The following CAMK4 variants were observed in gnomAD, a reference collection of about 807,000 sequenced individuals.
CAMK4 encodes calcium/calmodulin dependent protein kinase IV.
Under a neutral mutation model 44.9 loss-of-function variants are expected in CAMK4, and 22 were observed. The ratio of observed to expected loss-of-function variants is 0.49; its 90% CI spans 0.35 to 0.70. The LOEUF (loss-of-function observed/expected upper bound fraction) is 0.70, where lower values mean the gene tolerates loss of function less well. Ranked by LOEUF, CAMK4 falls within the 30% of genes least tolerant of loss-of-function variation. The pLI is 0.01. For synonymous variants in CAMK4, 218 were observed against 215.4 expected, an observed-to-expected ratio of 1.01 and a Z score of -0.11; for missense variants, 498 against 586.8, an observed-to-expected ratio of 0.85 and a Z score of 1.56.
chr5:111,411,266 G>T (rs763546309), intron 5 of CAMK4, among the ~76,000 whole-genome samples: 15 of 152,152 alleles, frequency 9.9e-5, no homozygotes, highest in Admixed American at 2.6e-4. Flanking sequence ...GGCTTTCTCT[G>T]AGAGCCAAGT....
rs1334372729 is a variant in CAMK4, at chr5:111,488,796, A to G, written c.*4330A>G. ...TAGCATTTTCTTGATGGTTGACTCA[A>G]TGTATAATTAACAAATATACATAGC... On this transcript the variant is annotated 3_prime_UTR_variant, in exon 11 of 11. Coordinates refer to ENST00000282356, the MANE Select transcript of CAMK4 (RefSeq NM_001744.6). 1 of 152,242 alleles carries G rather than the reference A, an allele frequency of 6.6e-6. No homozygotes were observed. The highest frequency in any genetic ancestry group is 1.9e-4 in the East Asian group (1 of 5,206). 9.4% of individuals were successfully genotyped at this position (152,242 alleles called of 1,614,324 possible). A position where few individuals can be genotyped will look rare whatever the true frequency, so the allele number is the denominator to read the frequency against.
chr5:111,380,271 T>C (rs923094744), intron 4 of CAMK4, among the ~76,000 whole-genome samples: 13 of 152,252 alleles, frequency 8.5e-5, no homozygotes, highest in Non-Finnish European at 8.8e-5. Context: ...AAGTATAGTT[T>C]TGAATTTTGT....
chr5:111,266,223 CACACACACACACACACACAG>C (rs1464772383), intron 1 of CAMK4: 1 of 149,740 alleles, frequency 6.7e-6, no homozygotes, highest in East Asian at 1.9e-4. Flanking sequence ...CACACACACA[CACACACACACACACACACAG>C]AAAGAGAGAG....
At chr5:111,379,852 A>T (rs1329269594) in intron 4 of CAMK4, among the ~76,000 whole-genome samples, 1 of 152,156 alleles carries the variant, frequency 6.6e-6, no homozygotes, top group African/African-American at 2.4e-5. Context: ...AAAATTAAAC[A>T]TAGTCAAAAT....
At chr5:111,246,003 G>T (rs1011988507) in intron 1 of CAMK4, among the ~76,000 whole-genome samples, 17 of 152,180 alleles carry the variant, frequency 1.1e-4, no homozygotes, top group Admixed American at 1.0e-3. Context: ...ATAGAGCAGG[G>T]ATTTCTAACT....
chr5:111,274,394 C>T (rs1457791104), intron 1 of CAMK4, among the ~76,000 whole-genome samples: 1 of 152,146 alleles, frequency 6.6e-6, no homozygotes, highest in Non-Finnish European at 1.5e-5. Flanking sequence ...TTTGCTAATA[C>T]ATCCCCAAGG....
chr5:111,371,904 G>T (rs1751020568), intron 2 of CAMK4, among the ~76,000 whole-genome samples: 1 of 152,078 alleles, frequency 6.6e-6, no homozygotes, highest in African/African-American at 2.4e-5. Flanking sequence ...CAAGGTTGCT[G>T]CCCAGAAGTA....
chr5:111,242,461 A>G (rs1580468617), intron 1 of CAMK4, among the ~76,000 whole-genome samples: 1 of 152,114 alleles, frequency 6.6e-6, no homozygotes, highest in Admixed American at 6.6e-5. Flanking sequence ...CTGTGTGGCC[A>G]CTGATCTTTT....
intron 1 of CAMK4, among the ~76,000 whole-genome samples, chr5:111,267,922 T>G (rs1750335336): frequency 6.6e-6 from 1 of 152,190 alleles, no homozygotes. Flanking sequence ...GTATTATTTA[T>G]TTGTCTGGGT....
At chr5:111,312,175 G>A (rs550850248) in intron 1 of CAMK4, among the ~76,000 whole-genome samples, 1 of 152,226 alleles carries the variant, frequency 6.6e-6, no homozygotes, top group African/African-American at 2.4e-5. Flanking sequence ...CTTTCTTGCA[G>A]CTGGATGCCA....
chr5:111,371,774 T>C (rs893471062), intron 2 of CAMK4, among the ~76,000 whole-genome samples: 1 of 152,212 alleles, frequency 6.6e-6, no homozygotes, highest in Non-Finnish European at 1.5e-5. Flanking sequence ...AGCACATAGA[T>C]GTCAGTAAAT....
intron 5 of CAMK4, among the ~76,000 whole-genome samples, chr5:111,443,275 TATATACAC>T (rs1460166462): frequency 0.025 from 1,184 of 46,858 alleles, 10 homozygotes; most frequent in East Asian, 0.058. Flanking sequence ...TATATATATA[TATATACAC>T]ACACACACAC....
At chr5:111,373,469 T>A (rs759965273) in intron 2 of CAMK4, among the ~76,000 whole-genome samples, 55 of 152,148 alleles carry the variant, frequency 3.6e-4, no homozygotes, top group Non-Finnish European at 6.9e-4. Context: ...CATATAAAGT[T>A]GGAAAAATTT....
Position 111,490,423 on chromosome 5 carries a change from A to C in CAMK4, c.*5957A>C, listed in dbSNP as rs1755776578. The stretch of plus-strand genomic sequence containing the variant: ...CAGGAGTTTGAGACCAGCCTGGCCA[A>C]CGTGGTGAAACCCCTAATACAAAAA... On this transcript the variant is annotated 3_prime_UTR_variant, in exon 11 of 11. Transcript: ENST00000282356. 1 of 152,230 alleles carries C rather than the reference A, an allele frequency of 6.6e-6. No homozygotes were observed. The allele number at this position is 152,230 out of a possible 1,614,324, so 9.4% of individuals were successfully genotyped here.
intron 5 of CAMK4, among the ~76,000 whole-genome samples, chr5:111,401,773 G>C (rs1752237122): frequency 6.6e-6 from 1 of 152,198 alleles, no homozygotes; most frequent in South Asian, 2.1e-4. Flanking sequence ...TCAGGAAACA[G>C]CTACCCCTAG....
At chr5:111,442,087 T>G (rs1229977256) in intron 5 of CAMK4, among the ~76,000 whole-genome samples, 1 of 152,236 alleles carries the variant, frequency 6.6e-6, no homozygotes, top group Non-Finnish European at 1.5e-5. Context: ...TTTTTATGTC[T>G]TCAGATGCTC....
chr5:111,275,023 T>C (rs1256732256), intron 1 of CAMK4, among the ~76,000 whole-genome samples: 1 of 152,154 alleles, frequency 6.6e-6, no homozygotes. Flanking sequence ...CAAATAATTG[T>C]ATATATTTGT....
chr5:111,377,966 A>T lies in CAMK4; in HGVS notation c.386+1024A>T, dbSNP rs537576906. ...CTCTGAGGAGAAATATCTAAAGGGG[A>T]TTAGTTTTGAATGCGTTGAGAGAGG... is the stretch of plus-strand genomic sequence containing the variant. On this transcript the variant is annotated intron_variant, in intron 4 of 10. Transcript: ENST00000282356. Among the ~76,000 whole-genome samples, 6 of 152,178 alleles carry T rather than the reference A, an allele frequency of 3.9e-5. No homozygotes were observed. In the East Asian group the frequency reaches 1.2e-3, roughly 29 times the overall value.
intron 4 of CAMK4, among the ~76,000 whole-genome samples, chr5:111,382,990 T>G (rs1399742723): frequency 6.6e-6 from 1 of 152,228 alleles, no homozygotes; most frequent in Non-Finnish European, 1.5e-5. Context: ...AACTTATACT[T>G]TGATTTGGAC....
Sources: gnomAD v4.1 joint callset for allele counts (sites outside exome capture counted in the v4.1 genomes callset) on GRCh38, gnomAD v4.1.1 for gene constraint, MANE v1.5 for transcripts, NCBI Gene and HGNC (gene_info 2026-07-23, HGNC 2026-07-21) for gene names.